The following VSTM4 variants were observed in gnomAD, a reference collection of about 807,000 sequenced individuals.
VSTM4 encodes the protein V-set and transmembrane domain-containing protein 4.
VSTM4 carries 20 observed loss-of-function variants against 36.4 expected under a neutral mutation model. The observed-to-expected ratio is 0.55, with a 90% CI of 0.39 to 0.80. The LOEUF (loss-of-function observed/expected upper bound fraction) is 0.80, where lower values mean the gene tolerates loss of function less well. VSTM4 is among the 30% of genes least tolerant of loss of function. VSTM4 has a pLI of 0.00. For synonymous variants in VSTM4, 182 were observed against 173.9 expected (o/e 1.05, Z -0.37); for missense variants, 392 against 404.5 (o/e 0.97, Z 0.26).
chr10:49,028,349 T>C (rs1843294332), intron 7 of VSTM4, among the ~76,000 whole-genome samples: 1 of 152,244 alleles, frequency 6.6e-6, no homozygotes, highest in African/African-American at 2.4e-5. Flanking sequence ...CAATGGCCTG[T>C]CTAGCCTTCT....
At chr10:49,034,004 CCAT>C (rs912363915) in intron 7 of VSTM4, among the ~76,000 whole-genome samples, 12 of 151,732 alleles carry the variant, frequency 7.9e-5, no homozygotes, top group Non-Finnish European at 1.0e-4. Context: ...ATCACCATTA[CCAT>C]CATCATCACC....
chr10:49,115,491 C>A lies in VSTM4; in HGVS notation c.-6G>T, dbSNP rs1369069400. Reference sequence around the variant, plus strand: ...GCCAGTGCCAGCAGCCGCATCTCCCCGCCGCCGCCCGGCGCTGTGACGCGG... The same window carrying A: ...GCCAGTGCCAGCAGCCGCATCTCCCAGCCGCCGCCCGGCGCTGTGACGCGG... On this transcript the variant is annotated 5_prime_UTR_variant, in exon 1 of 8. Coordinates refer to ENST00000332853, the MANE Select transcript of VSTM4 (RefSeq NM_001031746.5). The A allele has an allele frequency of 1.0e-6, 1 of 1,002,434 alleles. No homozygotes were observed. Among genetic ancestry groups the A allele is most frequent in the Middle Eastern group, 5.0e-4 (1 of 1,992 alleles). The allele number at this position is 1,002,434 out of a possible 1,614,324, so 62.1% of individuals were successfully genotyped here. A position where few individuals can be genotyped will look rare whatever the true frequency, so the allele number is the denominator to read the frequency against.
chr10:49,025,244 G>T (rs1333986364), intron 7 of VSTM4, among the ~76,000 whole-genome samples: 1 of 152,126 alleles, frequency 6.6e-6, no homozygotes, highest in African/African-American at 2.4e-5. Context: ...CCTAGCAAAT[G>T]AATACATAAG....
chr10:49,023,117 T>G (rs1053344578), intron 7 of VSTM4, among the ~76,000 whole-genome samples: 6 of 152,208 alleles, frequency 3.9e-5, no homozygotes, highest in Non-Finnish European at 8.8e-5. Context: ...CCATAAAATG[T>G]GTAGAATCAT....
chr10:49,096,668 T>TGTGTGTGTGTGTG (rs1564593231), intron 2 of VSTM4, among the ~76,000 whole-genome samples: 47 of 147,250 alleles, frequency 3.2e-4, no homozygotes, highest in African/African-American at 1.1e-3. Flanking sequence ...TGTGTGTGTG[T>TGTGTGTGTGTGTG]TTTGAGACGG....
chr10:49,089,600 A>G (rs1844435467), intron 2 of VSTM4, among the ~76,000 whole-genome samples: 1 of 152,234 alleles, frequency 6.6e-6, no homozygotes, highest in African/African-American at 2.4e-5. Context: ...ACCCTATGCA[A>G]GGAATCACTG....
At chr10:49,108,019 G>C in intron 1 of VSTM4, 24 bp from the exon 2 acceptor site, 1 of 1,528,778 alleles carries the variant, frequency 6.5e-7, no homozygotes. Flanking sequence ...GGGGAGAAGA[G>C]AGGATGAGGA....
intron 3 of VSTM4, among the ~76,000 whole-genome samples, chr10:49,079,118 C>T (rs1308382593): frequency 6.6e-6 from 1 of 152,194 alleles, no homozygotes; most frequent in Non-Finnish European, 1.5e-5. Context: ...AGGCATGAGC[C>T]ACTGTGCCTG....
chr10:49,042,670 G>A (rs1843539452), intron 7 of VSTM4, among the ~76,000 whole-genome samples: 2 of 152,236 alleles, frequency 1.3e-5, no homozygotes, highest in South Asian at 4.1e-4. Flanking sequence ...TAGAATTACA[G>A]AACCTACTCA....
intron 4 of VSTM4, among the ~76,000 whole-genome samples, chr10:49,066,315 G>A (rs1247316974): frequency 2.0e-5 from 3 of 152,304 alleles, no homozygotes; most frequent in African/African-American, 7.2e-5. Context: ...TAATATCTGT[G>A]TCAATAAAGC....
At position 49,019,761 on chromosome 10, in the gene VSTM4, C is replaced by G. The variant is rs747565247; in HGVS notation, c.852G>C (p.Glu284Asp). ...CCAGTTCGGCATAGGTTAAGTTTTC[C>G]TCAGCAATCTTTGGCTATAAAAGAA... ...QRKVTLPKIA[E>D]ENLTYAELEL... is the part of the protein sequence containing the mutation. Residue 284 changes from glutamate to aspartate, a missense_variant, in exon 8 of 8, where the codon GAG (glutamate) becomes GAC (aspartate). Coordinates refer to ENST00000332853, the MANE Select transcript of VSTM4 (RefSeq NM_001031746.5). 1 of 1,611,858 alleles carries G rather than the reference C, an allele frequency of 6.2e-7. No homozygotes were observed. Among genetic ancestry groups the G allele is most frequent in the Non-Finnish European group, 8.5e-7 (1 of 1,179,232 alleles).
chr10:49,107,133 C>G (rs1246397589), intron 2 of VSTM4, among the ~76,000 whole-genome samples: 1 of 152,238 alleles, frequency 6.6e-6, no homozygotes, highest in Admixed American at 6.5e-5. Context: ...CACTCACCCC[C>G]ACTCACTCAT....
At chr10:49,087,871 G>A (rs1844395780) in intron 2 of VSTM4, among the ~76,000 whole-genome samples, 1 of 146,794 alleles carries the variant, frequency 6.8e-6, no homozygotes, top group South Asian at 2.1e-4. Context: ...AAGATAGTTG[G>A]ATATATATGC....
intron 3 of VSTM4, among the ~76,000 whole-genome samples, chr10:49,084,940 C>T (rs1844343978): frequency 6.6e-6 from 1 of 152,352 alleles, no homozygotes; most frequent in African/African-American, 2.4e-5. Flanking sequence ...TCATCCTTGG[C>T]CCCTGCCACT....
At chr10:49,078,249 T>G (rs757803862) in intron 3 of VSTM4, among the ~76,000 whole-genome samples, 40 of 152,326 alleles carry the variant, frequency 2.6e-4, no homozygotes, top group Middle Eastern at 3.4e-3. Context: ...GAATAGAGCT[T>G]TACAGTTTCT....
chr10:49,036,415 C>A (rs202039195), intron 7 of VSTM4, among the ~76,000 whole-genome samples: 1 of 151,972 alleles, frequency 6.6e-6, no homozygotes, highest in Non-Finnish European at 1.5e-5. Flanking sequence ...GGCTTTTTTT[C>A]TTCTTTTTAA....
chr10:49,093,993 C>A (rs1326189439), intron 2 of VSTM4, among the ~76,000 whole-genome samples: 1 of 152,106 alleles, frequency 6.6e-6, no homozygotes, highest in Non-Finnish European at 1.5e-5. Flanking sequence ...GCGATCCACC[C>A]ACCTCGGCCT....
At chr10:49,052,121 G>C (rs1345456307) in intron 5 of VSTM4, among the ~76,000 whole-genome samples, 1 of 152,066 alleles carries the variant, frequency 6.6e-6, no homozygotes, top group East Asian at 1.9e-4. Context: ...TTTTGGGGTT[G>C]AATTTCTAAA....
rs1461573414 is a variant in VSTM4 at position 49,019,693 on chromosome 10, C to A, written c.920G>T (p.Ser307Ile). ...PHRAAKGAPTSTVYAQILFEE... is the reference protein window; with the variant it reads ...PHRAAKGAPTITVYAQILFEE... The stretch of plus-strand genomic sequence containing the variant: ...GAAGAGGATCTGGGCGTAGACAGTG[C>A]TGGTGGGGGCGCCTTTGGCAGCCCG... Residue 307 changes from serine to isoleucine, a missense_variant, in exon 8 of 8, where the codon AGC (serine) becomes ATC (isoleucine). Physicochemically the swap from Ser to Ile is moderately radical, Grantham distance 142 (BLOSUM62 -2). Transcript: ENST00000332853. 4.3e-6 allele frequency: 7 copies of A among 1,613,904 alleles called. No individual in the cohort carries two copies. Among genetic ancestry groups the A allele is most frequent in the Non-Finnish European group, 5.9e-6 (7 of 1,179,984 alleles).
Sources: allele counts gnomAD v4.1 joint callset (sites outside exome capture counted in the v4.1 genomes callset), GRCh38; gene constraint gnomAD v4.1.1; transcripts MANE v1.5; gene names NCBI Gene and HGNC (gene_info 2026-07-23, HGNC 2026-07-21).